Variants in TFEC observed in about 807,000 individuals in gnomAD.
TFEC encodes the protein transcription factor EC, also known as class E basic helix-loop-helix protein 34.
A neutral mutation model predicts 41.6 loss-of-function variants in TFEC; 31 were observed. The observed-to-expected ratio is 0.74, with a 90% CI of 0.56 to 1.01. The LOEUF is 1.01. TFEC is among the 50% of genes least tolerant of loss of function. The pLI is 0.00. For synonymous variants in TFEC, 143 were observed against 140.6 expected, an observed-to-expected ratio of 1.02 and a Z score of -0.12; for missense variants, 402 against 404.1, an observed-to-expected ratio of 0.99 and a Z score of 0.04.
At chr7:116,037,629 A>G (rs1314240355) in intron 3 of TFEC, among the ~76,000 whole-genome samples, 2 of 152,022 alleles carry the variant, frequency 1.3e-5, no homozygotes, top group African/African-American at 4.8e-5. Context: ...TTTTGCCTGT[A>G]TAACACTTTA....
chr7:115,978,262 TA>T (rs1229608191), intron 2 of TFEC, among the ~76,000 whole-genome samples: 1 of 152,082 alleles, frequency 6.6e-6, no homozygotes, highest in Non-Finnish European at 1.5e-5. Context: ...TTAAGCAATA[TA>T]AAATTCAAGG....
At chr7:115,983,525 T>C (rs190428027) in intron 2 of TFEC, among the ~76,000 whole-genome samples, 88 of 152,142 alleles carry the variant, frequency 5.8e-4, no homozygotes, top group African/African-American at 2.0e-3. Flanking sequence ...ACAAATCTAA[T>C]GGAAAAAAAG....
intron 3 of TFEC, among the ~76,000 whole-genome samples, chr7:116,088,725 A>G (rs1479400772): frequency 1.3e-5 from 2 of 152,046 alleles, no homozygotes; most frequent in African/African-American, 4.8e-5. Flanking sequence ...TAACATTCAC[A>G]TTTGTTCCTT....
intron 6 of TFEC, among the ~76,000 whole-genome samples, chr7:115,947,725 G>C (rs1334905818): frequency 6.7e-6 from 1 of 149,544 alleles, no homozygotes; most frequent in Non-Finnish European, 1.5e-5. Context: ...CTTCTTTTGA[G>C]AAGTGTCTGT....
intron 6 of TFEC, among the ~76,000 whole-genome samples, chr7:115,949,024 C>T (rs1337959095): frequency 2.0e-5 from 3 of 151,978 alleles, no homozygotes; most frequent in African/African-American, 7.2e-5. Context: ...AATCAATGTA[C>T]AAAAATCACA....
At chr7:116,076,043 G>A (rs1796952358) in intron 3 of TFEC, among the ~76,000 whole-genome samples, 1 of 152,148 alleles carries the variant, frequency 6.6e-6, no homozygotes, top group Admixed American at 6.5e-5. Flanking sequence ...TACCTCCACT[G>A]GAACAGGTGC....
At chr7:116,059,563 G>A (rs1407579872) in intron 3 of TFEC, among the ~76,000 whole-genome samples, 1 of 151,874 alleles carries the variant, frequency 6.6e-6, no homozygotes, top group Non-Finnish European at 1.5e-5. Context: ...GGTATCCTTT[G>A]CGAGCATAAA....
chr7:116,015,658 A>G (rs1213134858), intron 1 of TFEC, among the ~76,000 whole-genome samples: 2 of 152,202 alleles, frequency 1.3e-5, no homozygotes, highest in East Asian at 3.8e-4. Context: ...TACCGATAAT[A>G]TATAGGAATT....
At chr7:116,108,032 T>C (rs1278505359) in intron 3 of TFEC, among the ~76,000 whole-genome samples, 5 of 152,298 alleles carry the variant, frequency 3.3e-5, no homozygotes, top group Non-Finnish European at 5.9e-5. Flanking sequence ...ACAAAGATTA[T>C]AGAACTCAGA....
chr7:115,962,433 A>G (rs1329590283), intron 3 of TFEC, among the ~76,000 whole-genome samples: 1 of 151,804 alleles, frequency 6.6e-6, no homozygotes, highest in East Asian at 1.9e-4. Context: ...CTAGATTTCA[A>G]AACTTATTAC....
intron 1 of TFEC, among the ~76,000 whole-genome samples, chr7:115,992,476 G>A (rs1361780101): frequency 2.0e-5 from 3 of 152,084 alleles, no homozygotes; most frequent in Non-Finnish European, 4.4e-5. Context: ...TGTTACAGAA[G>A]AAAAGACAGA....
chr7:116,080,976 A>AGTGTATGTGT (rs1424213374), intron 3 of TFEC, among the ~76,000 whole-genome samples: 42 of 138,016 alleles, frequency 3.0e-4, no homozygotes, highest in African/African-American at 1.0e-3. Flanking sequence ...AAGAAAATGT[A>AGTGTATGTGT]GTGTGTGTGT....
chr7:116,069,171 CAGG>C (rs1796765996), intron 3 of TFEC, among the ~76,000 whole-genome samples: 1 of 151,182 alleles, frequency 6.6e-6, no homozygotes, highest in Middle Eastern at 3.5e-3. Context: ...TGATTCTTTG[CAGG>C]AGGAGAAAAT....
At position 116,020,471 on chromosome 7, in the gene TFEC, C is replaced by T. The variant is rs190815994; in HGVS notation, c.-73+10162G>A. On this transcript the variant is annotated intron_variant, in intron 1 of 7. Coordinates refer to ENST00000265440, the MANE Select transcript of TFEC (RefSeq NM_012252.4). ...AACACATAAAATTTAAATATATACC[C>T]TAGTGGTCTCCCTATAGCATTCTTT... Among the ~76,000 whole-genome samples, 41 of 152,212 alleles carry T rather than the reference C, an allele frequency of 2.7e-4. No homozygotes were observed. The East Asian group carries it at 7.7e-3, about 29-fold the overall frequency.
At chr7:115,956,593 A>T in intron 4 of TFEC, 86 bp downstream of exon 4, 1 of 759,952 alleles carries the variant, frequency 1.3e-6, no homozygotes, top group Non-Finnish European at 1.9e-6. Flanking sequence ...TTATACTTTT[A>T]AAATCCTAGT....
At chr7:116,145,862 C>A (rs1361627157) in intron 1 of TFEC, among the ~76,000 whole-genome samples, 1 of 152,046 alleles carries the variant, frequency 6.6e-6, no homozygotes, top group Non-Finnish European at 1.5e-5. Context: ...CCTATAACAA[C>A]CAATAAAGTA....
upstream of TFEC, among the ~76,000 whole-genome samples, chr7:116,032,224 G>T: frequency 6.6e-6 from 1 of 152,036 alleles, no homozygotes. Context: ...TAATCGGGTA[G>T]TTACTTTTTT....
chr7:116,101,636 A>G (rs1167658759), intron 3 of TFEC, among the ~76,000 whole-genome samples: 1 of 152,090 alleles, frequency 6.6e-6, no homozygotes, highest in Non-Finnish European at 1.5e-5. Context: ...CACAAGAACC[A>G]GCAAAGAAAT....
chr7:116,133,313 G>A lies in TFEC; in HGVS notation c.-68-21275C>T, dbSNP rs192443539. Among the ~76,000 whole-genome samples the A allele has an allele frequency of 6.0e-4, 92 of 152,286 alleles. 1 individual carries two copies. Among genetic ancestry groups the A allele is most frequent in the Admixed American group, 5.9e-3 (91 of 15,302 alleles). ...GCCTGTAATCCCAGCACTTTGGGGGGCCAAGGCAGGCAGATGACTTGAGGC... is the reference window on the plus strand; with the variant it reads ...GCCTGTAATCCCAGCACTTTGGGGGACCAAGGCAGGCAGATGACTTGAGGC... On this transcript the variant is annotated intron_variant, in intron 1 of 8. Transcript: ENST00000484212.
Sources: allele counts gnomAD v4.1 joint callset (sites outside exome capture counted in the v4.1 genomes callset), GRCh38; gene constraint gnomAD v4.1.1; transcripts MANE v1.5; gene names NCBI Gene and HGNC (gene_info 2026-07-23, HGNC 2026-07-21).